Variants in LRMDA observed in about 807,000 individuals in gnomAD.
LRMDA encodes leucine-rich melanocyte differentiation-associated protein.
LRMDA carries 18 observed loss-of-function variants against 29.8 expected under a neutral mutation model. The ratio of observed to expected loss-of-function variants is 0.60; its 90% confidence interval spans 0.42 to 0.90. LRMDA has a LOEUF of 0.90. Ranked by LOEUF, LRMDA falls within the 40% of genes least tolerant of loss-of-function variation. The pLI, the probability that LRMDA is intolerant of heterozygous loss-of-function variation, is 0.00. For synonymous variants in LRMDA, 125 were observed against 109.4 expected (o/e 1.14, Z -0.89); for missense variants, 273 against 273.9 (o/e 1.00, Z 0.02).
chr10:75,777,458 A>G (rs1197799669), intron 2 of LRMDA, among the ~76,000 whole-genome samples: 1 of 152,178 alleles, frequency 6.6e-6, no homozygotes, highest in African/African-American at 2.4e-5. Context: ...CTCTTTTCTC[A>G]GACAGAGCTG....
chr10:76,495,960 C>CT (rs1406381506), intron 6 of LRMDA, among the ~76,000 whole-genome samples: 2 of 73,430 alleles, frequency 2.7e-5, no homozygotes, highest in Admixed American at 1.3e-4. Flanking sequence ...GTAACAGAGA[C>CT]TTTTTTTTTC....
At chr10:76,073,897 A>T (rs940671636) in intron 5 of LRMDA, among the ~76,000 whole-genome samples, 3 of 152,214 alleles carry the variant, frequency 2.0e-5, no homozygotes, top group African/African-American at 7.2e-5. Flanking sequence ...CTAGGGAATT[A>T]CGGGTTCCCT....
chr10:76,387,602 C>CAAA lies in LRMDA; in HGVS notation c.601+63128_601+63130dup, dbSNP rs998372463. Among the ~76,000 whole-genome samples, 42 of 116,870 alleles carry CAAA rather than the reference C, an allele frequency of 3.6e-4. 1 individual carries two copies. The South Asian group carries it at 4.6e-3, about 13-fold the overall frequency. The allele number at this position is 116,870 out of a possible 152,430, so 76.7% of individuals were successfully genotyped here. A position where few individuals can be genotyped will look rare whatever the true frequency, so the allele number is the denominator to read the frequency against. ...TGGGGGACAGAATGAAACACTGTTT[C>CAAA]AAAAAAAAAAAAAGTGGTATATTCA... is the stretch of plus-strand genomic sequence containing the variant. On this transcript the variant is annotated intron_variant, in intron 6 of 6. Coordinates refer to ENST00000611255, the MANE Select transcript of LRMDA (RefSeq NM_001305581.2).
intron 2 of LRMDA, among the ~76,000 whole-genome samples, chr10:75,772,339 T>C (rs536635611): frequency 6.6e-6 from 1 of 152,358 alleles, no homozygotes; most frequent in East Asian, 1.9e-4. Context: ...TGATTTTTGC[T>C]TTTTCAGTTG....
intron 5 of LRMDA, among the ~76,000 whole-genome samples, chr10:76,148,351 G>A (rs1255744005): frequency 6.6e-6 from 1 of 152,186 alleles, no homozygotes; most frequent in Non-Finnish European, 1.5e-5. Context: ...TAGCTTCCCG[G>A]CTGCTTTGTT....
intron 2 of LRMDA, among the ~76,000 whole-genome samples, chr10:75,459,589 A>G (rs1246226406): frequency 6.6e-6 from 1 of 152,246 alleles, no homozygotes; most frequent in Non-Finnish European, 1.5e-5. Context: ...AAAGCCCATT[A>G]TGGAATACAA....
chr10:75,613,797 G>A (rs749446685), intron 2 of LRMDA, among the ~76,000 whole-genome samples: 2 of 152,158 alleles, frequency 1.3e-5, no homozygotes, highest in Non-Finnish European at 2.9e-5. Flanking sequence ...CGTGAGAAGG[G>A]AAGATAAATT....
intron 6 of LRMDA, among the ~76,000 whole-genome samples, chr10:76,534,795 A>G (rs1157430751): frequency 6.6e-6 from 1 of 152,208 alleles, no homozygotes; most frequent in Non-Finnish European, 1.5e-5. Flanking sequence ...CATTCAAAAT[A>G]TGAACACTGG....
chr10:76,534,294 G>T (rs1843268735), intron 6 of LRMDA, among the ~76,000 whole-genome samples: 1 of 152,158 alleles, frequency 6.6e-6, no homozygotes, highest in South Asian at 2.1e-4. Context: ...TTGCAGTTAG[G>T]AGAGGTCACA....
At chr10:76,349,097 T>C (rs1471981863) in intron 6 of LRMDA, among the ~76,000 whole-genome samples, 2 of 152,186 alleles carry the variant, frequency 1.3e-5, no homozygotes, top group Non-Finnish European at 2.9e-5. Context: ...GTGAAGCCAT[T>C]GTGAGGATCA....
chr10:76,304,449 G>A (rs1014565610), intron 5 of LRMDA, among the ~76,000 whole-genome samples: 1 of 152,140 alleles, frequency 6.6e-6, no homozygotes, highest in East Asian at 1.9e-4. Context: ...AAATCAACTG[G>A]GCTCTGCTAG....
chr10:76,109,411 G>A (rs1244974048), intron 5 of LRMDA, among the ~76,000 whole-genome samples: 3 of 152,190 alleles, frequency 2.0e-5, no homozygotes, highest in Non-Finnish European at 4.4e-5. Context: ...CCATGTGATA[G>A]ATGCCATCAA....
chr10:75,685,981 CTG>C, intron 2 of LRMDA, among the ~76,000 whole-genome samples: 1 of 152,296 alleles, frequency 6.6e-6, no homozygotes, highest in South Asian at 2.1e-4. Flanking sequence ...CTTATCATCT[CTG>C]TTTTACAGAT....
intron 2 of LRMDA, among the ~76,000 whole-genome samples, chr10:75,993,445 A>G (rs1159224162): frequency 6.6e-6 from 1 of 152,186 alleles, no homozygotes; most frequent in Non-Finnish European, 1.5e-5. Flanking sequence ...CAGTTAAACA[A>G]TAGCTTGGCC....
chr10:75,737,214 G>A (rs546359457), intron 2 of LRMDA, among the ~76,000 whole-genome samples: 10 of 152,196 alleles, frequency 6.6e-5, no homozygotes, highest in African/African-American at 9.7e-5. Flanking sequence ...GTCCTGAGGC[G>A]ATAAGCTCTT....
At chr10:76,348,973 T>G (rs1841142309) in intron 6 of LRMDA, among the ~76,000 whole-genome samples, 1 of 152,140 alleles carries the variant, frequency 6.6e-6, no homozygotes, top group African/African-American at 2.4e-5. Flanking sequence ...ACAGGAGCCG[T>G]GTTGAGGAGG....
chr10:75,799,459 C>T (rs577924570), intron 2 of LRMDA, among the ~76,000 whole-genome samples: 2 of 151,696 alleles, frequency 1.3e-5, no homozygotes, highest in East Asian at 3.9e-4. Context: ...TTAAATGCAT[C>T]CTTGTTGATT....
intron 3 of LRMDA, among the ~76,000 whole-genome samples, chr10:76,043,369 T>C (rs908506714): frequency 2.0e-5 from 3 of 152,084 alleles, no homozygotes; most frequent in Non-Finnish European, 2.9e-5. Flanking sequence ...TGACTGCAAA[T>C]TATACAAATA....
intron 2 of LRMDA, among the ~76,000 whole-genome samples, chr10:75,736,983 C>T (rs998601056): frequency 1.3e-5 from 2 of 152,088 alleles, no homozygotes; most frequent in African/African-American, 4.8e-5. Context: ...AGGTTAGGGC[C>T]ATTCCGAATG....
Sources: allele counts gnomAD v4.1 joint callset (sites outside exome capture counted in the v4.1 genomes callset), GRCh38; gene constraint gnomAD v4.1.1; transcripts MANE v1.5; gene names NCBI Gene and HGNC (gene_info 2026-07-23, HGNC 2026-07-21).